The following NUF2 variants were observed in gnomAD, a reference collection of about 807,000 sequenced individuals.
The protein encoded by NUF2 is kinetochore protein Nuf2.
In NUF2, 34 loss-of-function variants were observed where a neutral mutation model predicts 61.8. The observed-to-expected ratio is 0.55, with a 90% confidence interval of 0.42 to 0.73. The LOEUF (loss-of-function observed/expected upper bound fraction) is 0.73. NUF2 is among the 30% of genes least tolerant of loss of function. NUF2 has a pLI of 0.00. For synonymous variants in NUF2, 172 were observed against 181.6 expected, an observed-to-expected ratio of 0.95 and a Z score of 0.42; for missense variants, 445 against 539.1, an observed-to-expected ratio of 0.83 and a Z score of 1.73.
At chr1:163,346,300 GTCTC>G (rs1203246759) in intron 11 of NUF2, 2 of 152,012 alleles carry the variant, frequency 1.3e-5, no homozygotes, top group Non-Finnish European at 1.5e-5. Context: ...TGTGAATGTG[GTCTC>G]TCTCTCAAAA....
chr1:163,346,006 A>G (rs1261661457), intron 11 of NUF2, 188 bp downstream of exon 11: 1 of 423,776 alleles, frequency 2.4e-6, no homozygotes, highest in Non-Finnish European at 4.2e-6. Context: ...GCAAGACCCA[A>G]TTTTTAACCT....
At chr1:163,334,579 C>T (rs1348121841) in intron 5 of NUF2, among the ~76,000 whole-genome samples, 1 of 152,044 alleles carries the variant, frequency 6.6e-6, no homozygotes, top group Non-Finnish European at 1.5e-5. Flanking sequence ...AGTTTGAGAC[C>T]AGCCTGGGCA....
rs1391984350 is a variant in NUF2 at position 163,355,746 on chromosome 1, T to TA, written c.*277_*278insA. On this transcript the variant is annotated 3_prime_UTR_variant, in exon 14 of 14. Transcript: ENST00000271452. ...ACTAGTTACCTTTGAAATATATATA[T>TA]TTTTTTCTGTTACTATCATGGCTGT... 5.3e-6 allele frequency: 1 copy of TA among 190,424 alleles called. No individual in the cohort carries two copies. The highest frequency in any genetic ancestry group is 1.1e-5 in the Non-Finnish European group (1 of 92,662). The allele number at this position is 190,424 out of a possible 1,614,324, so 11.8% of individuals were successfully genotyped here.
At chr1:163,343,210 C>A (rs1240782895) in intron 9 of NUF2, among the ~76,000 whole-genome samples, 1 of 152,080 alleles carries the variant, frequency 6.6e-6, no homozygotes. Flanking sequence ...CTGGGAAAAC[C>A]AGGATACATT....
Position 163,345,815 on chromosome 1 carries a change from G to A in NUF2, c.945G>A (p.Lys315=), listed in dbSNP as rs1050193840. 1 of 1,598,184 alleles carries A rather than the reference G, an allele frequency of 6.3e-7. No individual in the cohort carries two copies. The highest frequency in any genetic ancestry group is 1.3e-5 in the African/African-American group (1 of 74,400). ...DNREKLASIL[K]ESLNLEDQIE... ...GGGAAAAATTAGCCAGTATCTTAAA[G>A]GAGGTTTGTATTGTATGGAATTTTG... Residue 315 remains lysine, a synonymous_variant, in exon 11 of 14, where the codon AAG becomes AAA. Transcript: ENST00000271452.
At chr1:163,323,964 G>T (rs892414479) in intron 1 of NUF2, among the ~76,000 whole-genome samples, 1 of 115,910 alleles carries the variant, frequency 8.6e-6, no homozygotes, top group Non-Finnish European at 1.8e-5. Context: ...CAGTTGATCA[G>T]TAAGTGCTAC....
intron 5 of NUF2, among the ~76,000 whole-genome samples, chr1:163,333,981 A>G (rs1650676742): frequency 6.6e-6 from 1 of 152,012 alleles, no homozygotes. Flanking sequence ...CTACCCTCCC[A>G]CATTTTGTAG....
chr1:163,352,202 A>C (rs1453745045), intron 13 of NUF2, among the ~76,000 whole-genome samples: 1 of 152,216 alleles, frequency 6.6e-6, no homozygotes, highest in Non-Finnish European at 1.5e-5. Context: ...GATTGCTTTT[A>C]CATGGTGGTA....
chr1:163,333,026 C>G (rs999455265), intron 5 of NUF2, among the ~76,000 whole-genome samples: 1 of 152,126 alleles, frequency 6.6e-6, no homozygotes, highest in Non-Finnish European at 1.5e-5. Flanking sequence ...TCCTTACAGA[C>G]TTTTTTCCTG....
chr1:163,336,077 GTTGA>G (rs752582250), intron 5 of NUF2, among the ~76,000 whole-genome samples: 16 of 118,754 alleles, frequency 1.3e-4, no homozygotes, highest in Non-Finnish European at 2.4e-4. Flanking sequence ...ATATGTTTCT[GTTGA>G]TTGATTGTAT....
chr1:163,345,783 G>C lies in NUF2; in HGVS notation c.913G>C (p.Asp305His). The part of the protein sequence containing the change: ...LYQKKIQDLS[D>H]NREKLASILK... Reference sequence around the variant, plus strand: ...TCAAAAGAAAATACAGGACCTTTCAGATAATAGGGAAAAATTAGCCAGTAT... The same window carrying C: ...TCAAAAGAAAATACAGGACCTTTCACATAATAGGGAAAAATTAGCCAGTAT... Residue 305 changes from aspartate to histidine, a missense_variant, in exon 11 of 14, where the codon GAT becomes CAT. Asp to His is a moderately conservative substitution (Grantham distance 81). Transcript: ENST00000271452. 6.2e-7 allele frequency: 1 copy of C among 1,608,392 alleles called. No homozygotes were observed. Among genetic ancestry groups the C allele is most frequent in the South Asian group, 1.1e-5 (1 of 90,284 alleles).
chr1:163,334,558 T>C (rs1650694193), intron 5 of NUF2, among the ~76,000 whole-genome samples: 1 of 152,190 alleles, frequency 6.6e-6, no homozygotes, highest in African/African-American at 2.4e-5. Flanking sequence ...AGAGAATTGC[T>C]TGAGTCCAGG....
chr1:163,329,386 G>A (rs1052664903), intron 5 of NUF2, among the ~76,000 whole-genome samples: 1 of 152,152 alleles, frequency 6.6e-6, no homozygotes, highest in Non-Finnish European at 1.5e-5. Flanking sequence ...GAGATTTGGT[G>A]TGTGTATTAG....
At chr1:163,328,095 CA>C in intron 3 of NUF2, 132 bp from the exon 4 acceptor site, 1 of 513,168 alleles carries the variant, frequency 1.9e-6, no homozygotes, top group Non-Finnish European at 3.4e-6. Flanking sequence ...GAAAACTCTG[CA>C]TTTATACTAG....
chr1:163,345,829 T>C lies in NUF2; in HGVS notation c.948+11T>C. 1.3e-6 allele frequency: 2 copies of C among 1,568,088 alleles called. No homozygotes were observed. The highest frequency in any genetic ancestry group is 2.3e-5 in the South Asian group (2 of 86,364). The stretch of plus-strand genomic sequence containing the variant: ...AGTATCTTAAAGGAGGTTTGTATTG[T>C]ATGGAATTTTGATGTCTTTATTATA... On this transcript the variant is annotated intron_variant, in intron 11 of 13. Transcript: ENST00000271452.
At chr1:163,354,062 G>A (rs1329288357) in intron 13 of NUF2, among the ~76,000 whole-genome samples, 2 of 152,104 alleles carry the variant, frequency 1.3e-5, no homozygotes. Context: ...CCCCTATAGA[G>A]CTAGAAAGTT....
intron 1 of NUF2, chr1:163,323,120 C>A: frequency 6.6e-6 from 1 of 152,266 alleles, no homozygotes; most frequent in Non-Finnish European, 1.5e-5. Flanking sequence ...TATTTTCATA[C>A]AAATATTATA....
intron 4 of NUF2, 29 bp downstream of exon 4, chr1:163,328,333 G>A (rs373981515): frequency 2.2e-5 from 29 of 1,334,630 alleles, no homozygotes; most frequent in Admixed American, 1.5e-4. Context: ...TATTGTCTTC[G>A]TCTACATTCG....
chr1:163,352,759 A>G (rs10917731), intron 13 of NUF2, among the ~76,000 whole-genome samples: 89,062 of 151,886 alleles, frequency 0.59, 26,545 homozygotes, highest in Middle Eastern at 0.68. Flanking sequence ...CCAGCTACTC[A>G]GGAAGCTGAG....
Sources: allele counts gnomAD v4.1 joint callset (sites outside exome capture counted in the v4.1 genomes callset), GRCh38; gene constraint gnomAD v4.1.1; transcripts MANE v1.5; gene names NCBI Gene and HGNC (gene_info 2026-07-23, HGNC 2026-07-21).